Variants in SOX5 observed in about 807,000 individuals in gnomAD.
SOX5 encodes the protein transcription factor SOX-5.
A neutral mutation model predicts 92.0 loss-of-function variants in SOX5; 9 were observed. The observed-to-expected ratio is 0.10, with a 90% CI of 0.06 to 0.17. The LOEUF is 0.17. Ranked by LOEUF, SOX5 falls within the 10% of genes least tolerant of loss-of-function variation. The pLI, the probability that SOX5 is intolerant of heterozygous loss-of-function variation, is 1.00. For synonymous variants in SOX5, 344 were observed against 336.3 expected (o/e 1.02, Z -0.25); for missense variants, 642 against 944.5 (o/e 0.68, Z 4.20).
At chr12:23,731,216 C>T (rs1048369393) in intron 6 of SOX5, among the ~76,000 whole-genome samples, 2 of 152,190 alleles carry the variant, frequency 1.3e-5, no homozygotes, top group African/African-American at 4.8e-5. Flanking sequence ...GTATCAACAG[C>T]TTCCCTGGTT....
At chr12:23,546,778 G>C (rs79307843) in intron 11 of SOX5, among the ~76,000 whole-genome samples, 2,631 of 152,278 alleles carry the variant, frequency 0.017, 32 homozygotes, top group Non-Finnish European at 0.025. Context: ...TTTTTGGCCA[G>C]ACAGTAGAAG....
chr12:23,874,977 C>T (rs1237743888), intron 2 of SOX5, among the ~76,000 whole-genome samples: 1 of 152,160 alleles, frequency 6.6e-6, no homozygotes, highest in East Asian at 1.9e-4. Flanking sequence ...ATGTGGCCTA[C>T]GTGGATATTT....
intron 8 of SOX5, among the ~76,000 whole-genome samples, chr12:23,634,290 T>G (rs2078936743): frequency 6.6e-6 from 1 of 152,092 alleles, no homozygotes; most frequent in Non-Finnish European, 1.5e-5. Context: ...CATAATACAT[T>G]TTATAGTATA....
At chr12:23,950,981 AC>A, upstream of SOX5, 1 of 317,342 alleles carries the variant, frequency 3.2e-6, no homozygotes, top group Non-Finnish European at 6.2e-6. Context: ...ACGCATGCAC[AC>A]ACACACACAC....
At chr12:24,077,136 C>T (rs1484415731) in intron 4 of SOX5, among the ~76,000 whole-genome samples, 6 of 152,156 alleles carry the variant, frequency 3.9e-5, no homozygotes, top group Admixed American at 6.6e-5. Context: ...CATATGATAG[C>T]TATGGCTCCA....
chr12:23,833,191 G>A (rs2096358169), intron 3 of SOX5, among the ~76,000 whole-genome samples: 1 of 151,984 alleles, frequency 6.6e-6, no homozygotes, highest in Admixed American at 6.6e-5. Context: ...ACCTCTGAGG[G>A]AAGCTTGGAA....
chr12:24,467,588 T>G (rs1042552457), intron 1 of SOX5, among the ~76,000 whole-genome samples: 3 of 152,186 alleles, frequency 2.0e-5, no homozygotes, highest in African/African-American at 7.2e-5. Flanking sequence ...AGTTTTGTTG[T>G]GGCAGGAAAG....
intron 7 of SOX5, among the ~76,000 whole-genome samples, chr12:23,645,433 A>G (rs1240610867): frequency 6.6e-6 from 1 of 152,206 alleles, no homozygotes; most frequent in Non-Finnish European, 1.5e-5. Flanking sequence ...GGATATGAAA[A>G]GGCAATGGAC....
chr12:24,397,827 ATTG>A (rs1394811566), intron 1 of SOX5, among the ~76,000 whole-genome samples: 16 of 151,584 alleles, frequency 1.1e-4, no homozygotes, highest in African/African-American at 2.4e-4. Context: ...CATAAATATT[ATTG>A]TTATTATTAT....
At chr12:24,044,180 T>G (rs572116236) in intron 4 of SOX5, among the ~76,000 whole-genome samples, 7 of 152,230 alleles carry the variant, frequency 4.6e-5, no homozygotes, top group Non-Finnish European at 8.8e-5. Flanking sequence ...CAAAATGTAT[T>G]TATCAATGTA....
chr12:24,402,075 A>C (rs2136652577), intron 1 of SOX5, among the ~76,000 whole-genome samples: 1 of 152,322 alleles, frequency 6.6e-6, no homozygotes, highest in Admixed American at 6.5e-5. Flanking sequence ...GATGGTATTT[A>C]TCTCACTTCA....
intron 2 of SOX5, among the ~76,000 whole-genome samples, chr12:23,868,331 C>G (rs183545736): frequency 2.0e-5 from 3 of 152,220 alleles, no homozygotes; most frequent in Admixed American, 1.3e-4. Flanking sequence ...AATTTTTCCA[C>G]CTTCTAACTG....
At chr12:23,600,917 T>C (rs2074408638) in intron 9 of SOX5, among the ~76,000 whole-genome samples, 1 of 151,976 alleles carries the variant, frequency 6.6e-6, no homozygotes, top group Admixed American at 6.6e-5. Flanking sequence ...CCAATTCTCC[T>C]CTCTCTGGTG....
At chr12:24,152,817 G>C (rs1951786630) in intron 4 of SOX5, among the ~76,000 whole-genome samples, 1 of 149,826 alleles carries the variant, frequency 6.7e-6, no homozygotes, top group Non-Finnish European at 1.5e-5. Context: ...CAAAATGAGG[G>C]GGCTTTACTG....
intron 9 of SOX5, among the ~76,000 whole-genome samples, chr12:23,590,362 T>C (rs1471884357): frequency 6.6e-6 from 1 of 152,010 alleles, no homozygotes; most frequent in Non-Finnish European, 1.5e-5. Context: ...TTAAATTCAC[T>C]CACAAAGTTC....
At chr12:24,106,147 G>A (rs1418648722) in intron 4 of SOX5, among the ~76,000 whole-genome samples, 1 of 150,274 alleles carries the variant, frequency 6.7e-6, no homozygotes, top group African/African-American at 2.4e-5. Context: ...CAAGGAATGA[G>A]AGACTATATT....
chr12:23,995,509 A>G (rs775263234), intron 4 of SOX5, among the ~76,000 whole-genome samples: 8 of 152,188 alleles, frequency 5.3e-5, no homozygotes, highest in Non-Finnish European at 1.0e-4. Context: ...CAGCCTGGAC[A>G]ACATAGTGAG....
chr12:23,682,943 GACT>G (rs1474352520), intron 6 of SOX5, among the ~76,000 whole-genome samples: 2 of 151,772 alleles, frequency 1.3e-5, no homozygotes, highest in African/African-American at 4.8e-5. Context: ...TTTGTCACCT[GACT>G]TCTTGAGCAC....
At chr12:24,017,240 G>C (rs1953733393) in intron 4 of SOX5, among the ~76,000 whole-genome samples, 1 of 152,138 alleles carries the variant, frequency 6.6e-6, no homozygotes. Flanking sequence ...CTCCCATCCT[G>C]ACTTAACCCG....
Sources: allele counts gnomAD v4.1 joint callset (sites outside exome capture counted in the v4.1 genomes callset), GRCh38; gene constraint gnomAD v4.1.1; transcripts MANE v1.5; gene names NCBI Gene and HGNC (gene_info 2026-07-23, HGNC 2026-07-21).